The following GPX6 variants were observed in gnomAD, a reference collection of about 807,000 sequenced individuals.
The protein encoded by GPX6 is glutathione peroxidase 6, also known as glutathione peroxidase 6 (olfactory).
A neutral mutation model predicts 20.0 loss-of-function variants in GPX6; 21 were observed. The ratio of observed to expected loss-of-function variants is 1.05; its 90% CI spans 0.74 to 1.51. GPX6 has a LOEUF of 1.51. Ranked by LOEUF, GPX6 falls within the 40% of genes most tolerant of loss-of-function variation. The pLI, the probability that GPX6 is intolerant of heterozygous loss-of-function variation, is 0.00. For synonymous variants in GPX6, 75 were observed against 98.0 expected (o/e 0.77, Z 1.38); for missense variants, 233 against 254.7 (o/e 0.91, Z 0.58).
At chr6:28,514,993 A>G (rs34647572) in intron 1 of GPX6, among the ~76,000 whole-genome samples, 2,712 of 152,298 alleles carry the variant, frequency 0.018, 72 homozygotes, top group African/African-American at 0.055. Context: ...TCTAAATGGC[A>G]TCAGGAGATT....
chr6:28,512,398 ACT>A (rs1265073543), intron 1 of GPX6, among the ~76,000 whole-genome samples: 3 of 152,034 alleles, frequency 2.0e-5, no homozygotes, highest in South Asian at 2.1e-4. Flanking sequence ...ACCAGTTGAC[ACT>A]CTGTATCTAG....
At chr6:28,511,461 AGGGCTCCACCCTC>A (rs916961926) in intron 1 of GPX6, among the ~76,000 whole-genome samples, 1 of 152,214 alleles carries the variant, frequency 6.6e-6, no homozygotes, top group African/African-American at 2.4e-5. Context: ...GTACCTAACT[AGGGCTCCACCCTC>A]GGGCCTGTGC....
At chr6:28,513,977 C>T (rs1201915631) in intron 1 of GPX6, among the ~76,000 whole-genome samples, 1 of 152,242 alleles carries the variant, frequency 6.6e-6, no homozygotes, top group Non-Finnish European at 1.5e-5. Flanking sequence ...CTGTACACAT[C>T]TGTGCATATA....
intron 1 of GPX6, among the ~76,000 whole-genome samples, chr6:28,513,963 A>G (rs1179411797): frequency 6.6e-6 from 1 of 152,192 alleles, no homozygotes; most frequent in Admixed American, 6.5e-5. Context: ...TCAAGTCCAT[A>G]TTTCTGTACA....
intron 1 of GPX6, 40 bp downstream of exon 1, chr6:28,515,617 A>G (rs1349595417): frequency 1.3e-6 from 2 of 1,529,206 alleles, no homozygotes; most frequent in Admixed American, 3.3e-5. Context: ...GTTGGTCATC[A>G]CGTGCTGGAA....
intron 3 of GPX6, 94 bp from the exon 4 acceptor site, chr6:28,505,896 A>C (rs762655969): frequency 3.7e-5 from 34 of 913,062 alleles, no homozygotes; most frequent in Non-Finnish European, 5.8e-5. Context: ...AGGAAATTCA[A>C]GATAAAGGGA....
chr6:28,506,526 A>G, intron 2 of GPX6, 97 bp from the exon 3 acceptor site: 1 of 741,990 alleles, frequency 1.3e-6, no homozygotes, highest in Non-Finnish European at 2.5e-6. Context: ...ACATGAATAA[A>G]CCGAGGACTA....
At chr6:28,506,910 C>T (rs1762811821) in intron 2 of GPX6, among the ~76,000 whole-genome samples, 1 of 152,206 alleles carries the variant, frequency 6.6e-6, no homozygotes, top group African/African-American at 2.4e-5. Context: ...TACAATGTCC[C>T]ATGGTGACAC....
Sources: gnomAD v4.1 joint callset for allele counts (sites outside exome capture counted in the v4.1 genomes callset) on GRCh38, gnomAD v4.1.1 for gene constraint, MANE v1.5 for transcripts, NCBI Gene and HGNC (gene_info 2026-07-23, HGNC 2026-07-21) for gene names.